The following TTLL10 variants were observed in gnomAD, a reference collection of about 807,000 sequenced individuals.
The protein encoded by TTLL10 is inactive polyglycylase TTLL10.
A neutral mutation model predicts 69.0 loss-of-function variants in TTLL10; 61 were observed. That is an observed-to-expected ratio of 0.88 (90% CI 0.72 to 1.09). The LOEUF (loss-of-function observed/expected upper bound fraction) is 1.09. Among genes scored for constraint, TTLL10 ranks in the 50% least tolerant of loss-of-function variants. TTLL10 has a pLI of 0.00. For missense variants in TTLL10, 962 were observed against 945.9 expected (o/e 1.02, Z -0.22); for synonymous variants, 408 against 393.3 (o/e 1.04, Z -0.44).
At chr1:1,192,089 G>T (rs531850841) in intron 13 of TTLL10, among the ~76,000 whole-genome samples, 5 of 152,246 alleles carry the variant, frequency 3.3e-5, no homozygotes, top group East Asian at 1.9e-4. Context: ...CAGATTTTGG[G>T]GGGGGGCCTG....
chr1:1,196,812 C>G (rs1648246103), intron 14 of TTLL10, 96 bp downstream of exon 14: 1 of 943,804 alleles, frequency 1.1e-6, no homozygotes, highest in Non-Finnish European at 1.7e-6. Context: ...CAGGCAGAAT[C>G]TGCAGTCAGC....
intron 14 of TTLL10, 76 bp downstream of exon 14, chr1:1,196,792 T>A: frequency 1.8e-6 from 2 of 1,084,824 alleles, no homozygotes; most frequent in Non-Finnish European, 2.8e-6. Context: ...CTGACCACAC[T>A]GGCAGGCCCC....
chr1:1,185,249 A>G lies in TTLL10; in HGVS notation c.1401+140A>G. On this transcript the variant is annotated intron_variant, in intron 13 of 15. Coordinates refer to ENST00000379289, the MANE Select transcript of TTLL10 (RefSeq NM_001130045.2). This position sits in a 1 kb window ranked among gnomAD's most constrained non-coding sequence, Gnocchi z 6.1. ...AGTGTGACCTGACCGTGTGGAACCAAACCCTTCCAGCGTCTCTGCTCACTT... is the reference window on the plus strand; with the variant it reads ...AGTGTGACCTGACCGTGTGGAACCAGACCCTTCCAGCGTCTCTGCTCACTT... 6.9e-7 allele frequency: 1 copy of G among 1,456,014 alleles called. No individual in the cohort carries two copies. The highest frequency in any genetic ancestry group is 9.0e-7 in the Non-Finnish European group (1 of 1,105,174). 90.2% of individuals were successfully genotyped at this position (1,456,014 alleles called of 1,614,324 possible).
chr1:1,181,816 G>A lies in TTLL10; in HGVS notation c.830+1G>A, dbSNP rs751002528. On this transcript the variant is annotated splice_donor_variant, in intron 9 of 15. Coordinates refer to ENST00000379289, the MANE Select transcript of TTLL10 (RefSeq NM_001130045.2). LOFTEE classifies it high-confidence loss of function. This position sits in a 1 kb window ranked among gnomAD's most constrained non-coding sequence, Gnocchi z 4.6. Reference sequence around the variant, plus strand: ...GCCCAGGATACCTCAGGCCACAGAGGTAGACTCAGCCCAGCTGTGAGGGGC... The same window carrying A: ...GCCCAGGATACCTCAGGCCACAGAGATAGACTCAGCCCAGCTGTGAGGGGC... 6.9e-6 allele frequency: 11 copies of A among 1,603,476 alleles called. No individual in the cohort carries two copies. In the Admixed American group the frequency reaches 1.5e-4, roughly 22 times the overall value.
intron 13 of TTLL10, among the ~76,000 whole-genome samples, chr1:1,186,686 G>A (rs1321018361): frequency 6.6e-6 from 1 of 152,080 alleles, no homozygotes; most frequent in African/African-American, 2.4e-5. Context: ...CATCTGGTCG[G>A]TGTGCAGGGA....
At chr1:1,184,710 C>CA (rs1647200327) in intron 12 of TTLL10, among the ~76,000 whole-genome samples, 2 of 149,692 alleles carry the variant, frequency 1.3e-5, no homozygotes, top group Non-Finnish European at 3.0e-5. Context: ...ACAGGCCCTC[C>CA]GGACAGTCTG....
intron 12 of TTLL10, 61 bp downstream of exon 12, chr1:1,184,152 C>T (rs1647174828): frequency 1.1e-5 from 18 of 1,606,284 alleles, no homozygotes; most frequent in Non-Finnish European, 1.4e-5. Flanking sequence ...GAAGGAGGTT[C>T]TCACTGCTAG....
At chr1:1,184,555 A>G (rs1647193261) in intron 12 of TTLL10, among the ~76,000 whole-genome samples, 1 of 152,170 alleles carries the variant, frequency 6.6e-6, no homozygotes, top group South Asian at 2.1e-4. Flanking sequence ...GGGGGGTCTC[A>G]GCGGATGAAG....
rs544840512 is a variant in TTLL10 at position 1,196,503 on chromosome 1, G to C, written c.1402-97G>C. The C allele has an allele frequency of 4.6e-6, 4 of 877,080 alleles. No individual in the cohort carries two copies. In the South Asian group the frequency reaches 5.8e-5, roughly 13 times the overall value. The allele number at this position is 877,080 out of a possible 1,614,324, so 54.3% of individuals were successfully genotyped here. ...TGGCTGTACAGGTGCGGGTTCAGAT[G>C]GGAGTGCAGGTGAGGGATGTGGCTG... On this transcript the variant is annotated intron_variant, in intron 13 of 15. Transcript: ENST00000379289.
At chr1:1,178,740 G>A (rs1226678621) in intron 3 of TTLL10, among the ~76,000 whole-genome samples, 4 of 152,168 alleles carry the variant, frequency 2.6e-5, no homozygotes, top group Admixed American at 6.5e-5. Context: ...CGGCCGCAGA[G>A]GAACCCTGAT....
Position 1,197,304 on chromosome 1 carries a change from G to C in TTLL10, c.1612+118G>C, listed in dbSNP as rs1464171020. ...GGGCTCTTCCACCTCCCGAGGGCCT[G>C]TGTGGCAGCGCCGCCCCCTGCCCCA... On this transcript the variant is annotated intron_variant, in intron 15 of 15. Transcript: ENST00000379289. 3.0e-6 allele frequency: 4 copies of C among 1,321,452 alleles called. No homozygotes were observed. In the African/African-American group the frequency reaches 4.4e-5, roughly 15 times the overall value. The allele number at this position is 1,321,452 out of a possible 1,614,324, so 81.9% of individuals were successfully genotyped here. A position where few individuals can be genotyped will look rare whatever the true frequency, so the allele number is the denominator to read the frequency against.
At position 1,184,109 on chromosome 1, in the gene TTLL10, G is replaced by T. The variant is rs755275904; in HGVS notation, c.1260+18G>T. ...CCAACCAGGTGAGTCTGCCATGGGT[G>T]AGGGCCCTCCCTGCAGCCTTGGGAT... On this transcript the variant is annotated intron_variant, in intron 12 of 15. Coordinates refer to ENST00000379289, the MANE Select transcript of TTLL10 (RefSeq NM_001130045.2). 6.2e-7 allele frequency: 1 copy of T among 1,614,092 alleles called. No individual in the cohort carries two copies. Among genetic ancestry groups the T allele is most frequent in the South Asian group, 1.1e-5 (1 of 91,090 alleles).
chr1:1,178,326 G>A (rs565418979), intron 3 of TTLL10, among the ~76,000 whole-genome samples: 6 of 152,244 alleles, frequency 3.9e-5, no homozygotes, highest in South Asian at 4.1e-4. Context: ...TTCAGAGGCC[G>A]AGGCAGGCGG....
At position 1,183,956 on chromosome 1, in the gene TTLL10, G is replaced by A. The variant is rs1054935920; in HGVS notation, c.1125G>A (p.Lys375=). The A allele has an allele frequency of 2.5e-6, 4 of 1,614,084 alleles. No individual in the cohort carries two copies. The African/African-American group carries it at 4.0e-5, about 16-fold the overall frequency. Residue 375 remains lysine, a synonymous_variant, in exon 12 of 16, where the codon AAG becomes AAA. Transcript: ENST00000379289. Reference sequence around the variant, plus strand: ...ACCCGCTGCTGGTGGACGGGAGAAAGTTTGACGTGCGCTCCTACCTGCTCA... The same window carrying A: ...ACCCGCTGCTGGTGGACGGGAGAAAATTTGACGTGCGCTCCTACCTGCTCA... ...IQNPLLVDGR[K]FDVRSYLLIA...
In TTLL10 at chr1:1,181,195, G is replaced by C. The variant is rs1647057886; in HGVS notation, c.755+335G>C. ...ATCCCACACGTCCCCAACCCACTGG[G>C]CCTGACACCCACCCACCTGTCCATC... On this transcript the variant is annotated intron_variant, in intron 8 of 15. Transcript: ENST00000379289. This position sits in a 1 kb window ranked among gnomAD's most constrained non-coding sequence, Gnocchi z 4.6. 6.6e-6 allele frequency among the ~76,000 whole-genome samples: 1 copy of C among 151,526 alleles called. No homozygotes were observed. Among genetic ancestry groups the C allele is most frequent in the African/African-American group, 2.4e-5 (1 of 41,154 alleles).
chr1:1,181,972 A>T lies in TTLL10; in HGVS notation c.830+157A>T, dbSNP rs1270372069. Among the ~76,000 whole-genome samples, 2 of 151,848 alleles carry T rather than the reference A, an allele frequency of 1.3e-5. No homozygotes were observed. The highest frequency in any genetic ancestry group is 3.9e-4 in the East Asian group (2 of 5,184). ...CCAGGCCAGGCCGAGATCCACGCTG[A>T]CCCCCCAGTGCACACAGAGCTGGGG... On this transcript the variant is annotated intron_variant, in intron 9 of 15. Coordinates refer to ENST00000379289, the MANE Select transcript of TTLL10 (RefSeq NM_001130045.2). The surrounding 1 kb of genome is among the most constrained non-coding windows in gnomAD (Gnocchi z 4.6).
In TTLL10 at chr1:1,179,196, G is replaced by A. The variant is rs566843710; in HGVS notation, c.-20G>A. On this transcript the variant is annotated 5_prime_UTR_variant, in exon 4 of 16. Coordinates refer to ENST00000379289, the MANE Select transcript of TTLL10 (RefSeq NM_001130045.2). ...GCGGCATCTTCCCTTCAGGGCCCTC[G>A]CCCGGGCACCCCCCGGCCAATGGAC... 15 of 1,522,946 alleles carry A rather than the reference G, an allele frequency of 9.8e-6. No individual in the cohort carries two copies. Among genetic ancestry groups the A allele is most frequent in the South Asian group, 6.3e-5 (5 of 79,552 alleles). 94.3% of individuals were successfully genotyped at this position (1,522,946 alleles called of 1,614,324 possible). A position where few individuals can be genotyped will look rare whatever the true frequency, so the allele number is the denominator to read the frequency against.
At position 1,181,014 on chromosome 1, in the gene TTLL10, C is replaced by CTGCCCCTGCCCT; in HGVS notation, c.755+166_755+177dup. 2 of 611,870 alleles carry CTGCCCCTGCCCT rather than the reference C, an allele frequency of 3.3e-6. No homozygotes were observed. The highest frequency in any genetic ancestry group is 3.7e-5 in the East Asian group (1 of 26,952). The allele number at this position is 611,870 out of a possible 1,614,324, so 37.9% of individuals were successfully genotyped here. A position where few individuals can be genotyped will look rare whatever the true frequency, so the allele number is the denominator to read the frequency against. On this transcript the variant is annotated intron_variant, in intron 8 of 15. Transcript: ENST00000379289. The surrounding 1 kb of genome is among the most constrained non-coding windows in gnomAD (Gnocchi z 4.6). ...CAGGCTCCCAGGCTGGCTCCAGCCC[C>CTGCCCCTGCCCT]TGCCCCTGCCCTTGCCCCTGCCCCT...
chr1:1,197,271 C>T (rs1241284574), intron 15 of TTLL10, 85 bp downstream of exon 15: 1 of 1,385,856 alleles, frequency 7.2e-7, no homozygotes. Context: ...TTCAGACCCC[C>T]ACAGATGGGG....
Sources: gnomAD v4.1 joint callset for allele counts (sites outside exome capture counted in the v4.1 genomes callset) on GRCh38, gnomAD v4.1.1 for gene constraint, Gnocchi (gnomAD v3.1) non-coding constraint, MANE v1.5 for transcripts, NCBI Gene and HGNC (gene_info 2026-07-23, HGNC 2026-07-21) for gene names.